FGF14: variants seen among roughly 807,000 people sequenced by gnomAD.
FGF14 encodes fibroblast growth factor homologous factor 4.
In FGF14, 5 loss-of-function variants were observed where a neutral mutation model predicts 25.5. The ratio of observed to expected loss-of-function variants is 0.20; its 90% confidence interval spans 0.10 to 0.41. FGF14 has a LOEUF of 0.41. Ranked by LOEUF, FGF14 falls within the 10% of genes least tolerant of loss-of-function variation. FGF14 has a pLI of 1.00. For missense variants in FGF14, 222 were observed against 320.1 expected (o/e 0.69, Z 2.34); for synonymous variants, 138 against 118.3 (o/e 1.17, Z -1.08).
At chr13:101,832,617 G>C (rs902598655) in intron 3 of FGF14, among the ~76,000 whole-genome samples, 3 of 151,918 alleles carry the variant, frequency 2.0e-5, no homozygotes, top group African/African-American at 7.3e-5. Context: ...CCCAAGAACG[G>C]AGTGGAAGTA....
chr13:102,360,938 A>C (rs938436058), intron 1 of FGF14, among the ~76,000 whole-genome samples: 11 of 151,982 alleles, frequency 7.2e-5, no homozygotes, highest in Admixed American at 6.5e-5. Context: ...ATAAATTACA[A>C]AGCAAAGAAG....
intron 1 of FGF14, among the ~76,000 whole-genome samples, chr13:102,084,835 G>C (rs1467037696): frequency 6.6e-6 from 1 of 152,184 alleles, no homozygotes; most frequent in Admixed American, 6.5e-5. Context: ...GGAGTGCTTT[G>C]TTAAGTGAAA....
In FGF14 at chr13:101,717,844, T is replaced by G. The variant is rs1178678273; in HGVS notation, c.*4987A>C. The G allele has an allele frequency of 6.6e-6, 1 of 152,098 alleles. No homozygotes were observed. The highest frequency in any genetic ancestry group is 2.4e-5 in the African/African-American group (1 of 41,418). 9.4% of individuals were successfully genotyped at this position (152,098 alleles called of 1,614,324 possible). A position where few individuals can be genotyped will look rare whatever the true frequency, so the allele number is the denominator to read the frequency against. On this transcript the variant is annotated 3_prime_UTR_variant, in exon 5 of 5. Transcript: ENST00000376143. ...ATTCTCTATAGCTCATCACAAAACC[T>G]CAGGTATGTCTTATTTTTCTTATAA...
upstream of FGF14, among the ~76,000 whole-genome samples, chr13:101,921,531 A>G (rs1368116994): frequency 2.6e-5 from 4 of 152,200 alleles, no homozygotes; most frequent in African/African-American, 9.6e-5. Flanking sequence ...TGTAAGATCT[A>G]TTCTGTCTAT....
intron 1 of FGF14, among the ~76,000 whole-genome samples, chr13:101,998,126 G>A (rs1038417748): frequency 2.0e-4 from 31 of 151,916 alleles, no homozygotes; most frequent in African/African-American, 4.6e-4. Flanking sequence ...TCATTCAGTC[G>A]CAATACGCTT....
chr13:102,101,667 A>C (rs956034128), intron 1 of FGF14, among the ~76,000 whole-genome samples: 1 of 152,126 alleles, frequency 6.6e-6, no homozygotes, highest in African/African-American at 2.4e-5. Context: ...TACTCTTAGG[A>C]GTACTAATGA....
At chr13:102,377,869 A>G (rs1027904158) in intron 1 of FGF14, among the ~76,000 whole-genome samples, 1 of 152,186 alleles carries the variant, frequency 6.6e-6, no homozygotes, top group Non-Finnish European at 1.5e-5. Flanking sequence ...ATTCAAGAAC[A>G]ATATAAGACT....
At chr13:102,161,635 AAGAAGAAGAAG>A (rs2047716564) in intron 1 of FGF14, among the ~76,000 whole-genome samples, 1 of 11,402 alleles carries the variant, frequency 8.8e-5, no homozygotes, top group South Asian at 4.5e-3. Context: ...GAAGAAGAAG[AAGAAGAAGAAG>A]AAGAAGAAGA....
chr13:101,885,761 G>T (rs1195765902), intron 1 of FGF14, among the ~76,000 whole-genome samples: 4 of 151,044 alleles, frequency 2.6e-5, no homozygotes, highest in Non-Finnish European at 5.9e-5. Context: ...ACCTGGAGCT[G>T]CAAAGAAGGA....
intron 1 of FGF14, among the ~76,000 whole-genome samples, chr13:101,967,031 C>A (rs2037253862): frequency 6.6e-6 from 1 of 151,740 alleles, no homozygotes; most frequent in African/African-American, 2.4e-5. Flanking sequence ...ACATCCAGGA[C>A]TGACATAATG....
intron 1 of FGF14, among the ~76,000 whole-genome samples, chr13:101,900,237 A>G (rs1330239190): frequency 1.3e-5 from 2 of 152,182 alleles, no homozygotes; most frequent in Non-Finnish European, 2.9e-5. Flanking sequence ...AAATTCTTCA[A>G]TGGCTTAAAA....
chr13:101,779,656 A>C (rs2039365410), intron 3 of FGF14, among the ~76,000 whole-genome samples: 1 of 152,206 alleles, frequency 6.6e-6, no homozygotes, highest in South Asian at 2.1e-4. Flanking sequence ...ATCTAATCTG[A>C]AGGTATAAAT....
chr13:102,001,599 G>A (rs1049474915), intron 1 of FGF14, among the ~76,000 whole-genome samples: 2 of 152,150 alleles, frequency 1.3e-5, no homozygotes, highest in African/African-American at 4.8e-5. Context: ...CTGGAGCTGG[G>A]AATATAGATA....
chr13:101,748,574 C>T (rs909620827), intron 3 of FGF14, among the ~76,000 whole-genome samples: 3 of 151,288 alleles, frequency 2.0e-5, no homozygotes, highest in Non-Finnish European at 3.0e-5. Flanking sequence ...ACAATACAGC[C>T]ATGTAAAAAA....
At chr13:102,099,325 G>A (rs891038842) in intron 1 of FGF14, among the ~76,000 whole-genome samples, 13 of 152,270 alleles carry the variant, frequency 8.5e-5, no homozygotes, top group Admixed American at 2.6e-4. Flanking sequence ...GGGTATTTAC[G>A]TGCAGAGAAA....
chr13:102,052,945 T>A (rs183346978), intron 1 of FGF14, among the ~76,000 whole-genome samples: 4 of 152,204 alleles, frequency 2.6e-5, no homozygotes, highest in Admixed American at 2.6e-4. Flanking sequence ...AAAAGACAAG[T>A]ATTAAAAATA....
At chr13:102,162,824 T>C (rs543888371) in intron 1 of FGF14, among the ~76,000 whole-genome samples, 2 of 152,264 alleles carry the variant, frequency 1.3e-5, no homozygotes, top group South Asian at 2.1e-4. Context: ...GTTTTTTCTA[T>C]TGTATGTGCA....
chr13:102,325,858 T>C (rs1343040611), intron 1 of FGF14, among the ~76,000 whole-genome samples: 1 of 152,214 alleles, frequency 6.6e-6, no homozygotes, highest in East Asian at 1.9e-4. Context: ...TGTTCACTGG[T>C]GTACTCTGGT....
chr13:101,731,555 A>G (rs1458280527), intron 3 of FGF14, among the ~76,000 whole-genome samples: 4 of 152,338 alleles, frequency 2.6e-5, no homozygotes, highest in Admixed American at 6.5e-5. Context: ...TGTACTTATT[A>G]TCTTAACAGT....
Sources: allele counts gnomAD v4.1 joint callset (sites outside exome capture counted in the v4.1 genomes callset), GRCh38; gene constraint gnomAD v4.1.1; transcripts MANE v1.5; gene names NCBI Gene and HGNC (gene_info 2026-07-23, HGNC 2026-07-21).